NEK1: variants seen among roughly 807,000 people sequenced by gnomAD.
NEK1 encodes NIMA related kinase 1.
Under a neutral mutation model 182.1 loss-of-function variants are expected in NEK1, and 137 were observed. That is an observed-to-expected ratio of 0.75 (90% CI 0.65 to 0.87). NEK1 has a LOEUF of 0.87. Among genes scored for constraint, NEK1 ranks in the 40% least tolerant of loss-of-function variants. NEK1 has a pLI of 0.00. For missense variants in NEK1, 1,391 were observed against 1,494.4 expected, an observed-to-expected ratio of 0.93 and a Z score of 1.14; for synonymous variants, 513 against 492.2, an observed-to-expected ratio of 1.04 and a Z score of -0.56.
At chr4:169,485,708 T>C (rs948603595) in intron 23 of NEK1, among the ~76,000 whole-genome samples, 2 of 152,180 alleles carry the variant, frequency 1.3e-5, no homozygotes, top group African/African-American at 4.8e-5. Context: ...ATCTATAATA[T>C]ATATTTCATT....
intron 23 of NEK1, among the ~76,000 whole-genome samples, chr4:169,497,945 A>G (rs1453872478): frequency 6.6e-6 from 1 of 152,128 alleles, no homozygotes; most frequent in African/African-American, 2.4e-5. Flanking sequence ...GCTGAGTTCA[A>G]TTCCTGGATA....
chr4:169,588,857 G>T, intron 7 of NEK1, 122 bp from the exon 8 acceptor site: 1 of 654,564 alleles, frequency 1.5e-6, no homozygotes, highest in Non-Finnish European at 2.7e-6. Context: ...TAATGACACT[G>T]AAAAATTCCT....
At chr4:169,497,218 G>C (rs1394435924) in intron 23 of NEK1, among the ~76,000 whole-genome samples, 1 of 152,146 alleles carries the variant, frequency 6.6e-6, no homozygotes, top group African/African-American at 2.4e-5. Flanking sequence ...TTCTCTGATG[G>C]TAGTTTGTAT....
chr4:169,426,397 T>C (rs1232488339), intron 29 of NEK1, among the ~76,000 whole-genome samples, 163 bp from the exon 30 acceptor site: 1 of 152,240 alleles, frequency 6.6e-6, no homozygotes, highest in Non-Finnish European at 1.5e-5. Context: ...ATAAGTACAA[T>C]GTATTTTTCA....
intron 19 of NEK1, among the ~76,000 whole-genome samples, chr4:169,531,743 CGAG>C (rs1757711414): frequency 1.3e-5 from 2 of 151,902 alleles, no homozygotes; most frequent in African/African-American, 4.8e-5. Flanking sequence ...TTACACATAA[CGAG>C]GAGGGATATG....
At chr4:169,494,074 C>G (rs961720205) in intron 23 of NEK1, among the ~76,000 whole-genome samples, 1 of 151,788 alleles carries the variant, frequency 6.6e-6, no homozygotes, top group Non-Finnish European at 1.5e-5. Context: ...AAAGGGAATC[C>G]CATCAGACTC....
chr4:169,514,732 CT>C (rs1754825425), intron 19 of NEK1, among the ~76,000 whole-genome samples: 1 of 151,992 alleles, frequency 6.6e-6, no homozygotes, highest in African/African-American at 2.4e-5. Context: ...TGATTTGCGT[CT>C]TTTTTATCTT....
chr4:169,609,830 T>C (rs1772010448), intron 2 of NEK1, among the ~76,000 whole-genome samples: 1 of 152,194 alleles, frequency 6.6e-6, no homozygotes, highest in South Asian at 2.1e-4. Flanking sequence ...GTAAGAATAC[T>C]GGCTAAATCA....
At chr4:169,566,933 G>C (rs906575288) in intron 12 of NEK1, among the ~76,000 whole-genome samples, 45 of 151,862 alleles carry the variant, frequency 3.0e-4, no homozygotes, top group African/African-American at 1.1e-3. Context: ...GCAAGACCCC[G>C]TCTCTACAAA....
intron 12 of NEK1, among the ~76,000 whole-genome samples, chr4:169,574,754 A>T (rs1472768281): frequency 2.6e-5 from 4 of 152,132 alleles, no homozygotes; most frequent in Admixed American, 2.6e-4. Flanking sequence ...TCTGGCAATG[A>T]GAAGCAAGGG....
intron 18 of NEK1, among the ~76,000 whole-genome samples, chr4:169,553,107 T>G (rs1037496557): frequency 6.6e-6 from 1 of 152,148 alleles, no homozygotes; most frequent in Non-Finnish European, 1.5e-5. Flanking sequence ...AGAACCGGAA[T>G]AGCCAACTCA....
chr4:169,585,106 T>C (rs528023045), intron 10 of NEK1, among the ~76,000 whole-genome samples: 4 of 152,284 alleles, frequency 2.6e-5, no homozygotes, highest in East Asian at 1.9e-4. Context: ...GAAGGACTGC[T>C]TGAGCCCAGG....
chr4:169,596,085 AG>A (rs1177366037), intron 5 of NEK1, among the ~76,000 whole-genome samples: 1 of 152,192 alleles, frequency 6.6e-6, no homozygotes, highest in Non-Finnish European at 1.5e-5. Flanking sequence ...ATTCTCAAAA[AG>A]AAAAAACTTC....
chr4:169,432,170 C>G (rs1486599473), intron 29 of NEK1, among the ~76,000 whole-genome samples: 1 of 152,046 alleles, frequency 6.6e-6, no homozygotes, highest in Non-Finnish European at 1.5e-5. Context: ...ATCATAAGAG[C>G]TAGACAAACT....
rs370239352 is a variant in NEK1, at chr4:169,598,632, G to T, written c.312+468C>A. Among the ~76,000 whole-genome samples, 9 of 152,234 alleles carry T rather than the reference G, an allele frequency of 5.9e-5. 1 individual carries two copies. Among genetic ancestry groups the T allele is most frequent in the African/African-American group, 2.2e-4 (9 of 41,546 alleles). On this transcript the variant is annotated intron_variant, in intron 5 of 35. Coordinates refer to ENST00000507142, the MANE Select transcript of NEK1 (RefSeq NM_001199397.3). ...AGCAAATGAAAAGAGGTACAGATTA[G>T]GGAATAGAAAAAAATAAGGCTGCTT...
chr4:169,509,595 T>G (rs1338879066), intron 19 of NEK1, among the ~76,000 whole-genome samples: 1 of 152,128 alleles, frequency 6.6e-6, no homozygotes, highest in Non-Finnish European at 1.5e-5. Context: ...CCATTATGAC[T>G]GAAAATTTTC....
chr4:169,418,183 C>A (rs1380907314), intron 31 of NEK1, among the ~76,000 whole-genome samples: 2 of 152,132 alleles, frequency 1.3e-5, no homozygotes, highest in Admixed American at 6.6e-5. Context: ...CCTAGAGGGT[C>A]ATGCCTTGGA....
intron 27 of NEK1, among the ~76,000 whole-genome samples, chr4:169,443,051 TTATC>T (rs58470007): frequency 0.11 from 14,892 of 141,704 alleles, 822 homozygotes; most frequent in East Asian, 0.16. Context: ...TAAAAATATT[TTATC>T]TATCTATCTA....
Position 169,608,663 on chromosome 4 carries a change from C to T in NEK1, c.-49+3357G>A, listed in dbSNP as rs754610514. 2.6e-5 allele frequency among the ~76,000 whole-genome samples: 4 copies of T among 152,120 alleles called. No homozygotes were observed. The South Asian group carries it at 8.3e-4, about 31-fold the overall frequency. ...TTATAAGACCAAAAAACACAACAAT[C>T]CAAAAGAAAAGTGGACAAAGGATAT... On this transcript the variant is annotated intron_variant, in intron 2 of 35. Transcript: ENST00000507142.
Sources: gnomAD v4.1 joint callset for allele counts (sites outside exome capture counted in the v4.1 genomes callset) on GRCh38, gnomAD v4.1.1 for gene constraint, MANE v1.5 for transcripts, NCBI Gene and HGNC (gene_info 2026-07-23, HGNC 2026-07-21) for gene names.